The following UCP3 variants were observed in gnomAD, a reference collection of about 807,000 sequenced individuals.
The protein encoded by UCP3 is uncoupling protein 3.
UCP3 carries 24 observed loss-of-function variants against 28.1 expected under a neutral mutation model. That is an observed-to-expected ratio of 0.85 (90% CI 0.62 to 1.20). The LOEUF is 1.20. Among genes scored for constraint, UCP3 ranks in the 50% most tolerant of loss-of-function variants. The probability of loss-of-function intolerance (pLI) is 0.00; values close to 1 mark genes in which losing one functional copy is unlikely to be tolerated. For missense variants in UCP3, 397 were observed against 422.2 expected, an observed-to-expected ratio of 0.94 and a Z score of 0.52; for synonymous variants, 184 against 171.2, an observed-to-expected ratio of 1.07 and a Z score of -0.59.
chr11:74,004,065 T>G (rs1016950616), intron 5 of UCP3, 58 bp from the exon 6 acceptor site: 2 of 1,596,788 alleles, frequency 1.3e-6, no homozygotes, highest in South Asian at 2.2e-5. Context: ...TCCATATGTA[T>G]GCACTGTTTG....
chr11:74,005,486 T>C (rs1951656880), intron 4 of UCP3, among the ~76,000 whole-genome samples: 1 of 152,176 alleles, frequency 6.6e-6, no homozygotes, highest in East Asian at 1.9e-4. Flanking sequence ...GCCCTGGGCG[T>C]GTGAAGGTGT....
In UCP3 at chr11:74,007,129, G is replaced by T. The variant is rs1236228039; in HGVS notation, c.-87C>A. 4 of 1,554,558 alleles carry T rather than the reference G, an allele frequency of 2.6e-6. No homozygotes were observed. The African/African-American group carries it at 5.4e-5, about 21-fold the overall frequency. ...CTCCACAGCCCTGGGCTTCAGTGCA[G>T]CGGTGGGGCTGCAGGAGACAGGCCA... On this transcript the variant is annotated 5_prime_UTR_variant, in exon 2 of 7. In the 5' UTR this introduces an upstream ATG that the reference lacks. Transcript: ENST00000314032.
chr11:74,006,223 G>C lies in UCP3; in HGVS notation c.283C>G (p.Arg95Gly). 6.2e-7 allele frequency: 1 copy of C among 1,614,160 alleles called. No individual in the cohort carries two copies. Among genetic ancestry groups the C allele is most frequent in the East Asian group, 2.2e-5 (1 of 44,872 alleles). ...TTGACGGAGTCATAGAGGCCGATGC[G>C]GATGGAGGCGAAGCTCATCTGGCGC... The part of the protein sequence containing the change: ...LQRQMSFASI[R>G]IGLYDSVKQV... Residue 95 changes from arginine to glycine, a missense_variant, in exon 3 of 7, where the codon CGC becomes GGC. Physicochemically the swap from Arg to Gly is moderately radical, Grantham distance 125. Coordinates refer to ENST00000314032, the MANE Select transcript of UCP3 (RefSeq NM_003356.4).
intron 3 of UCP3, 61 bp from the exon 4 acceptor site, chr11:74,005,994 G>A (rs537710706): frequency 1.9e-6 from 3 of 1,593,830 alleles, no homozygotes; most frequent in East Asian, 4.5e-5. Flanking sequence ...GGGACATGCT[G>A]TTCTCTGCGG....
At position 74,001,077 on chromosome 11, in the gene UCP3, A is replaced by C. The variant is rs1325995269; in HGVS notation, c.*335T>G. On this transcript the variant is annotated 3_prime_UTR_variant, in exon 7 of 7. Coordinates refer to ENST00000314032, the MANE Select transcript of UCP3 (RefSeq NM_003356.4). ...ATCATTCATTATCTAACCAGATTTC[A>C]CGGGGATACACGTCTCCAACCTTCC... 6.1e-6 allele frequency: 2 copies of C among 327,108 alleles called. No individual in the cohort carries two copies. Among genetic ancestry groups the C allele is most frequent in the African/African-American group, 4.3e-5 (2 of 46,446 alleles). 20.3% of individuals were successfully genotyped at this position (327,108 alleles called of 1,614,324 possible).
chr11:74,003,722 G>A (rs530762717), intron 6 of UCP3, 105 bp downstream of exon 6: 16 of 1,501,956 alleles, frequency 1.1e-5, no homozygotes, highest in Non-Finnish European at 1.4e-5. Context: ...ATTTACATCT[G>A]TACTCTTCAC....
At chr11:74,001,870 G>GT (rs1491121144) in intron 6 of UCP3, 1 of 325,272 alleles carries the variant, frequency 3.1e-6, no homozygotes, top group Non-Finnish European at 5.9e-6. Context: ...CCCGCGGCTA[G>GT]TAAGTGTCAG....
chr11:74,004,257 G>A (rs1314395433), intron 5 of UCP3, among the ~76,000 whole-genome samples: 1 of 152,210 alleles, frequency 6.6e-6, no homozygotes, highest in Non-Finnish European at 1.5e-5. Flanking sequence ...CCTGCTTAAA[G>A]CTATATAGTG....
chr11:74,006,076 C>T (rs2075576), intron 3 of UCP3, 93 bp downstream of exon 3: 378,628 of 1,571,480 alleles, frequency 0.24, 47,162 homozygotes, highest in East Asian at 0.3. Context: ...CTTCCCCCCG[C>T]CCCTGGCTCT....
At chr11:74,004,694 CA>C in intron 4 of UCP3, 109 bp from the exon 5 acceptor site, 5 of 954,334 alleles carry the variant, frequency 5.2e-6, no homozygotes, top group Non-Finnish European at 8.0e-6. Context: ...GTTTTGGGGC[CA>C]TAGTGCCCCA....
In UCP3 at chr11:74,001,535, A is replaced by G; in HGVS notation, c.825-9T>C. 6.2e-7 allele frequency: 1 copy of G among 1,613,848 alleles called. No homozygotes were observed. Among genetic ancestry groups the G allele is most frequent in the Non-Finnish European group, 8.5e-7 (1 of 1,179,748 alleles). ...AAAAGGAGGGTGTAAATCTGATAAGAAAAACAACCAACACATCAGGTGGAG... is the reference window on the plus strand; with the variant it reads ...AAAAGGAGGGTGTAAATCTGATAAGGAAAACAACCAACACATCAGGTGGAG... On this transcript the variant is annotated splice_polypyrimidine_tract_variant and intron_variant, in intron 6 of 6. Coordinates refer to ENST00000314032, the MANE Select transcript of UCP3 (RefSeq NM_003356.4).
rs1247484655 is a variant in UCP3 at position 74,007,092 on chromosome 11, G to A, written c.-50C>T. The A allele has an allele frequency of 2.4e-5, 38 of 1,608,114 alleles. No individual in the cohort carries two copies. The highest frequency in any genetic ancestry group is 2.5e-6 in the Non-Finnish European group (3 of 1,178,518). ...CCTTTAGGGCCGAGAGGAGGTCCAA[G>A]GAGAGAGGCTGCTCCACAGCCCTGG... is the stretch of plus-strand genomic sequence containing the variant. On this transcript the variant is annotated 5_prime_UTR_variant, in exon 2 of 7. Coordinates refer to ENST00000314032, the MANE Select transcript of UCP3 (RefSeq NM_003356.4).
rs1196409052 is a variant in UCP3 at position 74,001,415 on chromosome 11, A to C, written c.936T>G (p.Phe312Leu). ...ACCAGTGGCCTTCTTGTCTTGTTCAAAACGGTGATTCCCGTAACATCTGGA... is the reference window on the plus strand; with the variant it reads ...ACCAGTGGCCTTCTTGTCTTGTTCACAACGGTGATTCCCGTAACATCTGGA... ...MKVQMLRESP[F>L] Residue 312 changes from phenylalanine (F) to leucine (L), a missense_variant, in exon 7 of 7, where the codon TTT becomes TTG. Physicochemically the swap from Phe to Leu is conservative, Grantham distance 22. Transcript: ENST00000314032. 6.2e-7 allele frequency: 1 copy of C among 1,614,056 alleles called. No individual in the cohort carries two copies. The highest frequency in any genetic ancestry group is 8.5e-7 in the Non-Finnish European group (1 of 1,180,038).
Position 74,004,546 on chromosome 11 carries a change from C to T in UCP3, c.581G>A (p.Cys194Tyr). ...PNIMRNAIVN[C>Y]AEVVTYDILK... Reference sequence around the variant, plus strand: ...GATGTCGTAGGTCACCACCTCAGCACAGTTGACGATAGCATTCCTCATGAT... The same window carrying T: ...GATGTCGTAGGTCACCACCTCAGCATAGTTGACGATAGCATTCCTCATGAT... Residue 194 changes from cysteine (C) to tyrosine (Y), a missense_variant, in exon 5 of 7, where the codon TGT becomes TAT. Coordinates refer to ENST00000314032, the MANE Select transcript of UCP3 (RefSeq NM_003356.4). The T allele has an allele frequency of 1.2e-6, 2 of 1,614,034 alleles. No individual in the cohort carries two copies. The highest frequency in any genetic ancestry group is 1.7e-6 in the Non-Finnish European group (2 of 1,179,960).
chr11:74,003,661 T>C, intron 6 of UCP3, 166 bp downstream of exon 6: 1 of 1,454,476 alleles, frequency 6.9e-7, no homozygotes, highest in South Asian at 1.6e-5. Flanking sequence ...TCAGGTATGG[T>C]TCACTTTTTT....
In UCP3 at chr11:74,001,224, C is replaced by A; in HGVS notation, c.*188G>T. 1.6e-6 allele frequency: 1 copy of A among 609,556 alleles called. No individual in the cohort carries two copies. The highest frequency in any genetic ancestry group is 2.9e-6 in the Non-Finnish European group (1 of 343,870). 37.8% of individuals were successfully genotyped at this position (609,556 alleles called of 1,614,324 possible). A position where few individuals can be genotyped will look rare whatever the true frequency, so the allele number is the denominator to read the frequency against. On this transcript the variant is annotated 3_prime_UTR_variant, in exon 7 of 7. Coordinates refer to ENST00000314032, the MANE Select transcript of UCP3 (RefSeq NM_003356.4). ...CTTGTCAGTGCAAAACAAAGGTGTT[C>A]TTGAGGCATGGCAGTGAAGACCAGA...
chr11:74,005,362 AG>A (rs1322462047), intron 4 of UCP3, among the ~76,000 whole-genome samples: 4 of 152,070 alleles, frequency 2.6e-5, no homozygotes, highest in African/African-American at 9.7e-5. Context: ...TTCCAGGCCC[AG>A]CTTAGGTGTC....
rs1055308882 is a variant in UCP3 at position 74,000,444 on chromosome 11, G to C, written c.*968C>G. 3 of 152,204 alleles carry C rather than the reference G, an allele frequency of 2.0e-5. No individual in the cohort carries two copies. Among genetic ancestry groups the C allele is most frequent in the Non-Finnish European group, 2.9e-5 (2 of 67,952 alleles). The allele number at this position is 152,204 out of a possible 1,614,324, so 9.4% of individuals were successfully genotyped here. A position where few individuals can be genotyped will look rare whatever the true frequency, so the allele number is the denominator to read the frequency against. On this transcript the variant is annotated 3_prime_UTR_variant, in exon 7 of 7. Transcript: ENST00000314032. ...CTCATGATTGAGCACGTGGTGGGGG[G>C]GGTGGGGAAGAGGCTGCATGGGGGT...
chr11:74,006,258 G>A lies in UCP3; in HGVS notation c.248C>T (p.Ala83Val), dbSNP rs1951665358. ...GPCSPYNGLV[A>V]GLQRQMSFAS... The stretch of plus-strand genomic sequence containing the variant: ...GAAGCTCATCTGGCGCTGCAGGCCG[G>A]CCACCAGCCCATTGTAGGGGCTGCA... Residue 83 changes from alanine to valine, a missense_variant, in exon 3 of 7, where the codon GCC (alanine) becomes GTC (valine). Coordinates refer to ENST00000314032, the MANE Select transcript of UCP3 (RefSeq NM_003356.4). 1.2e-6 allele frequency: 2 copies of A among 1,613,860 alleles called. No individual in the cohort carries two copies. Among genetic ancestry groups the A allele is most frequent in the Non-Finnish European group, 8.5e-7 (1 of 1,180,020 alleles).
Sources: allele counts gnomAD v4.1 joint callset (sites outside exome capture counted in the v4.1 genomes callset), GRCh38; gene constraint gnomAD v4.1.1; transcripts MANE v1.5; gene names NCBI Gene and HGNC (gene_info 2026-07-23, HGNC 2026-07-21).